LARGE1: variants seen among roughly 807,000 people sequenced by gnomAD.
LARGE1 encodes the protein xylosyl- and glucuronyltransferase LARGE1.
LARGE1 carries 43 observed loss-of-function variants against 87.6 expected under a neutral mutation model. The ratio of observed to expected loss-of-function variants is 0.49; its 90% CI spans 0.38 to 0.63. The LOEUF (loss-of-function observed/expected upper bound fraction) is 0.63, where lower values mean the gene tolerates loss of function less well. Ranked by LOEUF, LARGE1 falls within the 30% of genes least tolerant of loss-of-function variation. The probability of loss-of-function intolerance (pLI) is 0.00; values close to 1 mark genes in which losing one functional copy is unlikely to be tolerated. For synonymous variants in LARGE1, 434 were observed against 394.6 expected (o/e 1.10, Z -1.18); for missense variants, 802 against 1,000.2 (o/e 0.80, Z 2.67).
chr22:33,291,360 C>T (rs371344788), intron 12 of LARGE1, among the ~76,000 whole-genome samples: 2 of 152,234 alleles, frequency 1.3e-5, no homozygotes, highest in African/African-American at 4.8e-5. Flanking sequence ...TGCCAGTTTC[C>T]ACCAAAGGAA....
intron 1 of LARGE1, among the ~76,000 whole-genome samples, chr22:33,825,881 T>A (rs1476004789): frequency 6.6e-6 from 1 of 151,942 alleles, no homozygotes; most frequent in African/African-American, 2.4e-5. Context: ...CAGGTGTGGA[T>A]GTGGGAAGGC....
chr22:33,746,990 C>A (rs1323528103), intron 2 of LARGE1, among the ~76,000 whole-genome samples: 1 of 152,126 alleles, frequency 6.6e-6, no homozygotes, highest in Non-Finnish European at 1.5e-5. Context: ...AGATCTAGGG[C>A]AGGATTCTGG....
At chr22:33,082,077 AT>A in the LARGE1 span, among the ~76,000 whole-genome samples, 1 of 152,024 alleles carries the variant, frequency 6.6e-6, no homozygotes, top group African/African-American at 2.4e-5. Context: ...GGGTATTTTA[AT>A]TATTTGGTGG....
At chr22:33,649,277 T>A (rs2149176433) in intron 3 of LARGE1, among the ~76,000 whole-genome samples, 1 of 152,286 alleles carries the variant, frequency 6.6e-6, no homozygotes, top group Admixed American at 6.5e-5. Flanking sequence ...TGACACTGGA[T>A]AGTCTCATTG....
intron 6 of LARGE1, among the ~76,000 whole-genome samples, chr22:33,510,864 G>C (rs923758193): frequency 6.6e-6 from 1 of 152,214 alleles, no homozygotes; most frequent in African/African-American, 2.4e-5. Context: ...TGGGATTACA[G>C]GCGTGAGCTA....
At chr22:33,746,167 G>A (rs1008266154) in intron 2 of LARGE1, among the ~76,000 whole-genome samples, 8 of 152,132 alleles carry the variant, frequency 5.3e-5, no homozygotes, top group Admixed American at 1.3e-4. Flanking sequence ...GCGTGAACCC[G>A]GGAGGCAGAG....
At chr22:33,861,781 T>A (rs2063930715) in intron 1 of LARGE1, among the ~76,000 whole-genome samples, 1 of 151,812 alleles carries the variant, frequency 6.6e-6, no homozygotes, top group South Asian at 2.1e-4. Flanking sequence ...ATGAGCCACA[T>A]GGCCCTAGAA....
In LARGE1 at chr22:33,784,920, T is replaced by C. The variant is rs954867818; in HGVS notation, c.-82-23362A>G. On this transcript the variant is annotated intron_variant, in intron 1 of 14. Coordinates refer to ENST00000397394, the MANE Select transcript of LARGE1 (RefSeq NM_133642.5). The stretch of plus-strand genomic sequence containing the variant: ...ATACTGTATATTATATGTGTGTGTA[T>C]ATACATATATGTATATACACGTGTA... Among the ~76,000 whole-genome samples, 13 of 151,288 alleles carry C rather than the reference T, an allele frequency of 8.6e-5. No individual in the cohort carries two copies. In the Admixed American group the frequency reaches 8.6e-4, roughly 10 times the overall value.
chr22:33,310,378 A>G (rs1349037611), intron 11 of LARGE1, among the ~76,000 whole-genome samples: 1 of 152,142 alleles, frequency 6.6e-6, no homozygotes, highest in Admixed American at 6.5e-5. Flanking sequence ...GTGTCAGAAG[A>G]TAGGTGAACC....
chr22:33,488,026 T>G (rs1015283445), intron 6 of LARGE1, among the ~76,000 whole-genome samples: 1 of 152,200 alleles, frequency 6.6e-6, no homozygotes, highest in African/African-American at 2.4e-5. Context: ...GGGAGGAATT[T>G]TGCCATTTGT....
chr22:33,776,328 G>C (rs949171449), intron 1 of LARGE1, among the ~76,000 whole-genome samples: 4 of 152,186 alleles, frequency 2.6e-5, no homozygotes, highest in Non-Finnish European at 2.9e-5. Context: ...TCTCTCTGGG[G>C]TGACACAGGT....
At chr22:33,177,388 G>A (rs1377463480) in intron 11 of LARGE1, among the ~76,000 whole-genome samples, 1 of 152,118 alleles carries the variant, frequency 6.6e-6, no homozygotes, top group Non-Finnish European at 1.5e-5. Context: ...ATATTAGAGA[G>A]AACATTTATT....
chr22:33,351,626 T>G lies in LARGE1; in HGVS notation c.1132-13825A>C, dbSNP rs920069924. ...TGACCAATCTTTAATTACAGAGAAA[T>G]TCTAATAATATATGTAGATACTACT... On this transcript the variant is annotated intron_variant, in intron 9 of 14. Transcript: ENST00000397394. Among the ~76,000 whole-genome samples, 7 of 151,916 alleles carry G rather than the reference T, an allele frequency of 4.6e-5. No individual in the cohort carries two copies. The East Asian group carries it at 1.3e-3, about 29-fold the overall frequency.
At chr22:33,807,271 A>G (rs2086342234) in intron 1 of LARGE1, among the ~76,000 whole-genome samples, 3 of 152,194 alleles carry the variant, frequency 2.0e-5, no homozygotes, top group African/African-American at 7.2e-5. Flanking sequence ...ACTGTTTGGG[A>G]TTAAATAAAT....
chr22:33,578,684 T>C (rs1406510507), intron 5 of LARGE1, among the ~76,000 whole-genome samples: 1 of 152,180 alleles, frequency 6.6e-6, no homozygotes. Context: ...AAAAATCAGA[T>C]TTGCCTCTTT....
chr22:33,817,042 G>A (rs2086674521), intron 1 of LARGE1, among the ~76,000 whole-genome samples: 1 of 152,090 alleles, frequency 6.6e-6, no homozygotes, highest in Admixed American at 6.5e-5. Flanking sequence ...ACATTTATAT[G>A]TGTATATATG....
intron 9 of LARGE1, among the ~76,000 whole-genome samples, chr22:33,364,278 C>T (rs1234172361): frequency 6.6e-6 from 1 of 152,110 alleles, no homozygotes; most frequent in Non-Finnish European, 1.5e-5. Context: ...AGGATGGTCT[C>T]CATCTCCTGA....
intron 3 of LARGE1, among the ~76,000 whole-genome samples, chr22:33,647,483 A>T (rs915297978): frequency 4.6e-5 from 7 of 152,224 alleles, no homozygotes; most frequent in African/African-American, 1.7e-4. Context: ...TAAAGCTCTG[A>T]CAATCATTAT....
intron 5 of LARGE1, among the ~76,000 whole-genome samples, chr22:33,592,603 G>A (rs1055118838): frequency 6.6e-6 from 1 of 152,254 alleles, no homozygotes; most frequent in East Asian, 1.9e-4. Flanking sequence ...CGTATGTTCT[G>A]AAGACAAATA....
Sources: gnomAD v4.1 joint callset for allele counts (sites outside exome capture counted in the v4.1 genomes callset) on GRCh38, gnomAD v4.1.1 for gene constraint, MANE v1.5 for transcripts, NCBI Gene and HGNC (gene_info 2026-07-23, HGNC 2026-07-21) for gene names.